Variants in MEGF10 observed in about 807,000 individuals in gnomAD.
MEGF10 encodes multiple EGF like domains 10.
In MEGF10, 86 loss-of-function variants were observed where a neutral mutation model predicts 147.5. The ratio of observed to expected loss-of-function variants is 0.58; its 90% CI spans 0.49 to 0.70. MEGF10 has a LOEUF of 0.70. Ranked by LOEUF, MEGF10 falls within the 30% of genes least tolerant of loss-of-function variation. The pLI is 0.00. For missense variants in MEGF10, 1,329 were observed against 1,487.3 expected (o/e 0.89, Z 1.75); for synonymous variants, 478 against 525.5 (o/e 0.91, Z 1.24).
intron 2 of MEGF10, 29 bp downstream of exon 2, chr5:127,331,453 G>A (rs182680880): frequency 7.6e-7 from 1 of 1,309,332 alleles, no homozygotes. Flanking sequence ...GCCTGACAAA[G>A]AATTGCTGAG....
chr5:127,316,613 CT>C (rs1310518181), intron 1 of MEGF10, among the ~76,000 whole-genome samples: 1 of 152,034 alleles, frequency 6.6e-6, no homozygotes, highest in African/African-American at 2.4e-5. Flanking sequence ...CCATTTCTGC[CT>C]TTTAAATATT....
chr5:127,414,562 G>A (rs1191959191), intron 9 of MEGF10, among the ~76,000 whole-genome samples: 1 of 152,018 alleles, frequency 6.6e-6, no homozygotes, highest in Non-Finnish European at 1.5e-5. Context: ...TTTTAAAAAC[G>A]AATTTTAGAG....
upstream of MEGF10, among the ~76,000 whole-genome samples, chr5:127,287,391 G>T (rs972967323): frequency 6.6e-6 from 1 of 151,942 alleles, no homozygotes; most frequent in African/African-American, 2.4e-5. Context: ...ATTTAGCCAT[G>T]TTGCAAAATG....
chr5:127,278,964 A>G, the MEGF10 span, among the ~76,000 whole-genome samples: 2 of 152,212 alleles, frequency 1.3e-5, no homozygotes, highest in African/African-American at 4.8e-5. Flanking sequence ...AGTGATGCTC[A>G]TTAATGTTTG....
intron 5 of MEGF10, among the ~76,000 whole-genome samples, chr5:127,391,082 ACACATGCGCGCGCGCGCGCG>A (rs1763645040): frequency 2.0e-5 from 2 of 101,364 alleles, no homozygotes. Context: ...ACATACATAC[ACACATGCGCGCGCGCGCGCG>A]CACACACACA....
At position 127,378,858 on chromosome 5, in the gene MEGF10, T is replaced by G. The variant is rs541279713; in HGVS notation, c.412+8856T>G. On this transcript the variant is annotated intron_variant, in intron 5 of 24. Coordinates refer to ENST00000503335, the MANE Select transcript of MEGF10 (RefSeq NM_001256545.2). ...AGTTTTATTTTGTTTTTGTTTTTGGTTTTTTTTTTTTGGTGCATTATTTCC... is the reference window on the plus strand; with the variant it reads ...AGTTTTATTTTGTTTTTGTTTTTGGGTTTTTTTTTTTGGTGCATTATTTCC... Among the ~76,000 whole-genome samples, 4 of 134,656 alleles carry G rather than the reference T, an allele frequency of 3.0e-5. No homozygotes were observed. The South Asian group carries it at 7.7e-4, about 26-fold the overall frequency. The allele number at this position is 134,656 out of a possible 152,430, so 88.3% of individuals were successfully genotyped here.
chr5:127,432,885 C>G (rs1765430789), intron 13 of MEGF10, among the ~76,000 whole-genome samples: 1 of 152,154 alleles, frequency 6.6e-6, no homozygotes, highest in Non-Finnish European at 1.5e-5. Flanking sequence ...AATGCACCAT[C>G]AAGTTATTTT....
chr5:127,404,318 C>A (rs994663471), intron 8 of MEGF10, among the ~76,000 whole-genome samples: 15 of 151,040 alleles, frequency 9.9e-5, no homozygotes, highest in Non-Finnish European at 1.9e-4. Context: ...GAATATTAGA[C>A]TTTTTCCTAT....
At chr5:127,440,714 C>T in intron 17 of MEGF10, 25 bp from the exon 18 acceptor site, 1 of 1,612,216 alleles carries the variant, frequency 6.2e-7, no homozygotes, top group South Asian at 1.1e-5. Flanking sequence ...CCTCTTGACT[C>T]CTACTGTCCT....
intron 10 of MEGF10, among the ~76,000 whole-genome samples, chr5:127,418,575 G>A (rs940209309): frequency 3.9e-5 from 6 of 152,178 alleles, no homozygotes; most frequent in Non-Finnish European, 7.3e-5. Context: ...CTTCTGTTTT[G>A]AAAGGAGATG....
At chr5:127,421,553 T>C (rs1437661990) in intron 12 of MEGF10, among the ~76,000 whole-genome samples, 1 of 152,116 alleles carries the variant, frequency 6.6e-6, no homozygotes, top group Non-Finnish European at 1.5e-5. Context: ...AACAAAACAA[T>C]CATGTCTATG....
intron 1 of MEGF10, among the ~76,000 whole-genome samples, chr5:127,307,157 A>G (rs1760052825): frequency 6.6e-6 from 1 of 152,228 alleles, no homozygotes; most frequent in Non-Finnish European, 1.5e-5. Context: ...TAAAAAAAAT[A>G]CTGGCTCTGG....
chr5:127,265,228 C>T, the MEGF10 span, among the ~76,000 whole-genome samples: 1 of 152,120 alleles, frequency 6.6e-6, no homozygotes, highest in African/African-American at 2.4e-5. Context: ...TCATCCATGT[C>T]CCTACAAAGG....
chr5:127,434,183 C>G (rs1580865830), intron 14 of MEGF10, among the ~76,000 whole-genome samples: 1 of 152,076 alleles, frequency 6.6e-6, no homozygotes, highest in East Asian at 1.9e-4. Context: ...AAGTATATAG[C>G]ATTTTGGTTA....
chr5:127,403,919 A>C (rs537434467), intron 8 of MEGF10, among the ~76,000 whole-genome samples: 1 of 152,304 alleles, frequency 6.6e-6, no homozygotes, highest in African/African-American at 2.4e-5. Flanking sequence ...TGCAGATATC[A>C]CTTCCATATA....
chr5:127,442,446 C>A (rs1354412428), intron 18 of MEGF10, among the ~76,000 whole-genome samples: 2 of 152,196 alleles, frequency 1.3e-5, no homozygotes, highest in Non-Finnish European at 2.9e-5. Context: ...TCAACAAAAT[C>A]CAGAGTTTGA....
At chr5:127,250,899 C>G in the MEGF10 span, among the ~76,000 whole-genome samples, 1 of 151,692 alleles carries the variant, frequency 6.6e-6, no homozygotes, top group Non-Finnish European at 1.5e-5. Flanking sequence ...GAGAAAAAAA[C>G]CTATTTACAA....
At chr5:127,290,528 AC>A (rs1199047134), upstream of MEGF10, among the ~76,000 whole-genome samples, 1 of 150,126 alleles carries the variant, frequency 6.7e-6, no homozygotes, top group African/African-American at 2.5e-5. Flanking sequence ...CCCTGCGGTG[AC>A]CCCAACATTT....
intron 16 of MEGF10, among the ~76,000 whole-genome samples, chr5:127,437,667 A>T (rs776614276): frequency 5.9e-5 from 9 of 152,236 alleles, no homozygotes; most frequent in Non-Finnish European, 1.0e-4. Context: ...ATGTCTCTTC[A>T]ATCGGCAGTG....
Sources: gnomAD v4.1 joint callset for allele counts (sites outside exome capture counted in the v4.1 genomes callset) on GRCh38, gnomAD v4.1.1 for gene constraint, MANE v1.5 for transcripts, NCBI Gene and HGNC (gene_info 2026-07-23, HGNC 2026-07-21) for gene names.